TMEM236: variants seen among roughly 807,000 people sequenced by gnomAD.
TMEM236 encodes transmembrane protein 236, also known as family with sequence similarity 23, member A.
A neutral mutation model predicts 14.7 loss-of-function variants in TMEM236; 11 were observed. The ratio of observed to expected loss-of-function variants is 0.75; its 90% confidence interval spans 0.47 to 1.24. TMEM236 has a LOEUF of 1.24. Ranked by LOEUF, TMEM236 falls within the 50% of genes most tolerant of loss-of-function variation. The probability of loss-of-function intolerance (pLI) is 0.00; values close to 1 mark genes in which losing one functional copy is unlikely to be tolerated. For synonymous variants in TMEM236, 182 were observed against 168.6 expected, an observed-to-expected ratio of 1.08 and a Z score of -0.62; for missense variants, 464 against 427.3, an observed-to-expected ratio of 1.09 and a Z score of -0.76.
intron 3 of TMEM236, among the ~76,000 whole-genome samples, chr10:17,792,321 C>G (rs1198144267): frequency 6.6e-6 from 1 of 152,214 alleles, no homozygotes; most frequent in Non-Finnish European, 1.5e-5. Flanking sequence ...GTCCTGGCCT[C>G]AAGCGATCCC....
chr10:17,790,816 C>G (rs1278530049), intron 3 of TMEM236, among the ~76,000 whole-genome samples: 2 of 152,182 alleles, frequency 1.3e-5, no homozygotes, highest in Non-Finnish European at 2.9e-5. Flanking sequence ...TACCCTAAGA[C>G]TAGCCATATT....
At chr10:17,790,778 C>A (rs921701231) in intron 3 of TMEM236, among the ~76,000 whole-genome samples, 4 of 152,142 alleles carry the variant, frequency 2.6e-5, no homozygotes, top group African/African-American at 9.7e-5. Flanking sequence ...TAACCATTTT[C>A]CCCTTGGGAG....
At chr10:17,786,175 G>T (rs1286596436) in intron 3 of TMEM236, among the ~76,000 whole-genome samples, 3 of 152,144 alleles carry the variant, frequency 2.0e-5, no homozygotes, top group Non-Finnish European at 4.4e-5. Flanking sequence ...ATATTTCAGG[G>T]AGACTGATAG....
At chr10:17,791,127 T>C (rs1837917651) in intron 3 of TMEM236, among the ~76,000 whole-genome samples, 1 of 152,142 alleles carries the variant, frequency 6.6e-6, no homozygotes, top group Non-Finnish European at 1.5e-5. Flanking sequence ...ATAATCTCTC[T>C]GTGCCTCAGT....
At chr10:17,769,517 C>T (rs1355749200) in intron 1 of TMEM236, among the ~76,000 whole-genome samples, 6 of 152,062 alleles carry the variant, frequency 3.9e-5, no homozygotes, top group South Asian at 2.1e-4. Flanking sequence ...AGAACAAGCC[C>T]GGGAATAATC....
At position 17,796,371 on chromosome 10, in the gene TMEM236, T is replaced by C; in HGVS notation, c.923T>C (p.Leu308Ser). 1 of 1,613,978 alleles carries C rather than the reference T, an allele frequency of 6.2e-7. No homozygotes were observed. Among genetic ancestry groups the C allele is most frequent in the Non-Finnish European group, 8.5e-7 (1 of 1,179,866 alleles). ...CCATTCGTTTTTGTTAGACTTGGTTTAATCATTGCCCTGGGGACTATCACA... is the reference window on the plus strand; with the variant it reads ...CCATTCGTTTTTGTTAGACTTGGTTCAATCATTGCCCTGGGGACTATCACA... ...DLPFVFVRLG[L>S]IIALGTITPV... Residue 308 changes from leucine (L) to serine (S), a missense_variant, in exon 4 of 4, where the codon TTA (leucine) becomes TCA (serine). Coordinates refer to ENST00000377495, the MANE Select transcript of TMEM236 (RefSeq NM_001098844.3).
intron 3 of TMEM236, among the ~76,000 whole-genome samples, chr10:17,782,502 G>C (rs1837769091): frequency 6.6e-6 from 1 of 152,014 alleles, no homozygotes; most frequent in South Asian, 2.1e-4. Flanking sequence ...GCTCAGGTTG[G>C]AGTGCAGTGG....
chr10:17,771,439 A>T, intron 2 of TMEM236, 58 bp downstream of exon 2: 1 of 1,552,398 alleles, frequency 6.4e-7, no homozygotes, highest in Admixed American at 1.7e-5. Flanking sequence ...ATTTCTTGTT[A>T]TTGGAATTTG....
chr10:17,787,145 C>T (rs893580105), intron 3 of TMEM236, among the ~76,000 whole-genome samples: 3 of 152,166 alleles, frequency 2.0e-5, no homozygotes, highest in Non-Finnish European at 1.5e-5. Context: ...GCCTGGTGAC[C>T]CCTGACGCTA....
intron 1 of TMEM236, among the ~76,000 whole-genome samples, chr10:17,757,028 G>A (rs1029787788): frequency 1.1e-4 from 16 of 152,126 alleles, no homozygotes; most frequent in South Asian, 6.2e-4. Context: ...CTGGCCACAC[G>A]TGTTTTAAAT....
In TMEM236 at chr10:17,770,540, C is replaced by T. The variant is rs577529179; in HGVS notation, c.258-769C>T. Among the ~76,000 whole-genome samples, 350 of 152,234 alleles carry T rather than the reference C, an allele frequency of 2.3e-3. 2 individuals are homozygous for T. Among genetic ancestry groups the T allele is most frequent in the African/African-American group, 7.3e-3 (304 of 41,550 alleles). The stretch of plus-strand genomic sequence containing the variant: ...CTGGGACTACAGGTGCTCGCCACCA[C>T]GCCCGGCTAATATTTTGTATTTTTA... On this transcript the variant is annotated intron_variant, in intron 1 of 3. Coordinates refer to ENST00000377495, the MANE Select transcript of TMEM236 (RefSeq NM_001098844.3).
chr10:17,782,727 A>C (rs1269009211), intron 3 of TMEM236, among the ~76,000 whole-genome samples: 9 of 152,140 alleles, frequency 5.9e-5, no homozygotes, highest in Non-Finnish European at 1.0e-4. Context: ...CTGGGATTAC[A>C]GGTGTGAGCC....
chr10:17,787,251 C>G (rs1379766388), intron 3 of TMEM236, among the ~76,000 whole-genome samples: 1 of 152,234 alleles, frequency 6.6e-6, no homozygotes, highest in Non-Finnish European at 1.5e-5. Context: ...CCATGCCAGA[C>G]AGCGCTGGCA....
At chr10:17,777,278 C>T (rs1240107655) in intron 3 of TMEM236, among the ~76,000 whole-genome samples, 1 of 152,104 alleles carries the variant, frequency 6.6e-6, no homozygotes, top group Non-Finnish European at 1.5e-5. Context: ...GCTAACATAA[C>T]ACAGGTGACA....
At chr10:17,755,984 A>T (rs1245483002) in intron 1 of TMEM236, among the ~76,000 whole-genome samples, 30 of 152,354 alleles carry the variant, frequency 2.0e-4, no homozygotes, top group African/African-American at 6.5e-4. Flanking sequence ...CGTACTTCAT[A>T]GGCCAGGCAC....
chr10:17,768,305 G>C (rs1182618608), intron 1 of TMEM236, among the ~76,000 whole-genome samples: 1 of 151,806 alleles, frequency 6.6e-6, no homozygotes, highest in Non-Finnish European at 1.5e-5. Context: ...TGAAAGAAAT[G>C]ATTAAATTGT....
intron 3 of TMEM236, among the ~76,000 whole-genome samples, chr10:17,789,334 A>G (rs1459978099): frequency 6.6e-6 from 1 of 152,240 alleles, no homozygotes; most frequent in Non-Finnish European, 1.5e-5. Context: ...TAAACAAATT[A>G]TAGTCACTCT....
chr10:17,759,760 G>C (rs1258360854), intron 1 of TMEM236, among the ~76,000 whole-genome samples: 2 of 151,936 alleles, frequency 1.3e-5, no homozygotes, highest in African/African-American at 4.8e-5. Context: ...GAGTAGTTGA[G>C]TCAAGACTGC....
At chr10:17,754,008 A>G (rs912000840) in intron 1 of TMEM236, among the ~76,000 whole-genome samples, 1 of 152,132 alleles carries the variant, frequency 6.6e-6, no homozygotes, top group East Asian at 1.9e-4. Context: ...ATCTTCCTTA[A>G]TTTTTCTACA....
Sources: allele counts gnomAD v4.1 joint callset (sites outside exome capture counted in the v4.1 genomes callset), GRCh38; gene constraint gnomAD v4.1.1; transcripts MANE v1.5; gene names NCBI Gene and HGNC (gene_info 2026-07-23, HGNC 2026-07-21).